The following SLC5A5 variants were observed in gnomAD, a reference collection of about 807,000 sequenced individuals.
SLC5A5 encodes the protein solute carrier family 5 member 5.
A neutral mutation model predicts 68.6 loss-of-function variants in SLC5A5; 56 were observed. That is an observed-to-expected ratio of 0.82 (90% confidence interval 0.66 to 1.02). SLC5A5 has a LOEUF of 1.02. SLC5A5 is among the 50% of genes least tolerant of loss of function. The pLI is 0.00. For synonymous variants in SLC5A5, 398 were observed against 373.0 expected, an observed-to-expected ratio of 1.07 and a Z score of -0.77; for missense variants, 807 against 859.8, an observed-to-expected ratio of 0.94 and a Z score of 0.77.
At position 17,884,010 on chromosome 19, in the gene SLC5A5, C is replaced by T; in HGVS notation, c.1490C>T (p.Ala497Val). 3.8e-6 allele frequency: 6 copies of T among 1,573,040 alleles called. No individual in the cohort carries two copies. Among genetic ancestry groups the T allele is most frequent in the Non-Finnish European group, 5.2e-6 (6 of 1,161,262 alleles). Residue 497 changes from alanine (A) to valine (V), a missense_variant, in exon 12 of 15, where the codon GCT becomes GTT. Coordinates refer to ENST00000222248, the MANE Select transcript of SLC5A5 (RefSeq NM_000453.3). The stretch of plus-strand genomic sequence containing the variant: ...AACGCCTCTGGCCTCCTGGACCCGG[C>T]TCTCCTCCCTGCTAACGACTCCAGC... ...SVNASGLLDP[A>V]LLPANDSSRA...
At position 17,894,143 on chromosome 19, in the gene SLC5A5, C is replaced by CTTT. The variant is rs772763011; in HGVS notation, c.*286_*288dup. 8.9e-3 allele frequency: 2,345 copies of CTTT among 262,788 alleles called. 132 individuals carry two copies. The highest frequency in any genetic ancestry group is 0.065 in the African/African-American group (2,138 of 32,972). The allele number at this position is 262,788 out of a possible 1,614,324, so 16.3% of individuals were successfully genotyped here. On this transcript the variant is annotated 3_prime_UTR_variant, in exon 15 of 15. Transcript: ENST00000222248. ...AATAAGGCTGGGTTTTTCTCTCTCT[C>CTTT]TTTTTTTTTTTTTTTTTTTTTTGAG... is the stretch of plus-strand genomic sequence containing the variant.
chr19:17,877,431 T>G (rs964349179), intron 5 of SLC5A5, among the ~76,000 whole-genome samples: 1 of 151,812 alleles, frequency 6.6e-6, no homozygotes, highest in Non-Finnish European at 1.5e-5. Context: ...TGCCTCAGCC[T>G]CCCAAGTAGC....
chr19:17,874,430 C>T, intron 2 of SLC5A5, 64 bp from the exon 3 acceptor site: 1 of 1,507,486 alleles, frequency 6.6e-7, no homozygotes, highest in Admixed American at 1.7e-5. Flanking sequence ...CTTCTGCCTC[C>T]TCTCCCCATC....
intron 5 of SLC5A5, among the ~76,000 whole-genome samples, chr19:17,876,971 C>T (rs534277127): frequency 5.3e-5 from 8 of 151,422 alleles, no homozygotes; most frequent in Non-Finnish European, 1.2e-4. Context: ...GCGGAGGCTG[C>T]GGTGAGCCGA....
At chr19:17,887,651 G>A (rs2029972568) in intron 12 of SLC5A5, among the ~76,000 whole-genome samples, 1 of 147,740 alleles carries the variant, frequency 6.8e-6, no homozygotes, top group African/African-American at 2.5e-5. Flanking sequence ...AGGCTGGAGT[G>A]CAATGGTGTG....
chr19:17,878,218 AGAG>A, intron 7 of SLC5A5, 125 bp downstream of exon 7: 1 of 1,176,902 alleles, frequency 8.5e-7, no homozygotes, highest in Admixed American at 1.9e-5. Context: ...GAAAGAGCTG[AGAG>A]GAGGCCAGGT....
intron 4 of SLC5A5, 143 bp downstream of exon 4, chr19:17,874,874 G>A (rs2094303175): frequency 2.5e-6 from 2 of 794,660 alleles, no homozygotes; most frequent in Non-Finnish European, 4.3e-6. Context: ...AGTGAAAAAT[G>A]ATCTGAAAAG....
intron 12 of SLC5A5, 75 bp downstream of exon 12, chr19:17,884,121 C>A: frequency 7.7e-7 from 1 of 1,290,862 alleles, no homozygotes; most frequent in Non-Finnish European, 1.1e-6. Context: ...ACTTGCCCTG[C>A]ACTCTGTGTA....
chr19:17,888,369 G>T lies in SLC5A5; in HGVS notation c.1565G>T (p.Ser522Ile). The T allele has an allele frequency of 6.2e-7, 1 of 1,613,986 alleles. No homozygotes were observed. The highest frequency in any genetic ancestry group is 1.3e-5 in the African/African-American group (1 of 75,028). The part of the protein sequence containing the change: ...MDASRPALAD[S>I]FYAISYLYYG... ...GCCAGCCGACCCGCCTTAGCTGACA[G>T]CTTCTATGCCATCTCCTATCTCTAT... is the stretch of plus-strand genomic sequence containing the variant. Residue 522 changes from serine (S) to isoleucine (I), a missense_variant, in exon 13 of 15, where the codon AGC becomes ATC. Physicochemically the swap from Ser to Ile is moderately radical, Grantham distance 142. Transcript: ENST00000222248.
rs1025896198 is a variant in SLC5A5, at chr19:17,894,894, G to A, written c.*1017G>A. On this transcript the variant is annotated 3_prime_UTR_variant, in exon 15 of 15. Coordinates refer to ENST00000222248, the MANE Select transcript of SLC5A5 (RefSeq NM_000453.3). ...AATTAAAAGAGGTATTACTGGAGGA[G>A]GATGGATGAATCCAGTGACTGGTTC... 6.6e-6 allele frequency: 1 copy of A among 152,204 alleles called. No individual in the cohort carries two copies. The highest frequency in any genetic ancestry group is 6.6e-5 in the Admixed American group (1 of 15,256). The allele number at this position is 152,204 out of a possible 1,614,324, so 9.4% of individuals were successfully genotyped here. A position where few individuals can be genotyped will look rare whatever the true frequency, so the allele number is the denominator to read the frequency against.
chr19:17,879,036 T>A (rs2094314633), intron 7 of SLC5A5, among the ~76,000 whole-genome samples: 2 of 143,284 alleles, frequency 1.4e-5, no homozygotes, highest in South Asian at 4.4e-4. Flanking sequence ...CTTACGCCTA[T>A]AATCTCAGCA....
intron 7 of SLC5A5, among the ~76,000 whole-genome samples, chr19:17,879,225 G>A (rs557302367): frequency 7.9e-5 from 12 of 152,116 alleles, no homozygotes; most frequent in African/African-American, 2.4e-4. Flanking sequence ...CCTGGGAGGC[G>A]GAGGTTGCGG....
chr19:17,887,622 G>A lies in SLC5A5; in HGVS notation c.1527-709G>A, dbSNP rs1174271026. ...ATTTTTTTTTTTTTTTTTTGAGATG[G>A]AGTCTCGCTCTGTTGCCCAGGCTGG... is the stretch of plus-strand genomic sequence containing the variant. On this transcript the variant is annotated intron_variant, in intron 12 of 14. Transcript: ENST00000222248. Among the ~76,000 whole-genome samples, 9 of 139,612 alleles carry A rather than the reference G, an allele frequency of 6.4e-5. No homozygotes were observed. In the Admixed American group the frequency reaches 6.6e-4, roughly 10 times the overall value. The allele number at this position is 139,612 out of a possible 152,430, so 91.6% of individuals were successfully genotyped here.
chr19:17,877,405 G>T (rs112671660), intron 5 of SLC5A5, among the ~76,000 whole-genome samples: 4 of 151,806 alleles, frequency 2.6e-5, no homozygotes, highest in African/African-American at 7.3e-5. Flanking sequence ...CGCCTCCTGG[G>T]TTGAAGTGAT....
At chr19:17,878,485 ACAGAGTGAGACTCTGT>A (rs750488810) in intron 7 of SLC5A5, among the ~76,000 whole-genome samples, 64 of 151,840 alleles carry the variant, frequency 4.2e-4, no homozygotes, top group Non-Finnish European at 7.1e-4. Flanking sequence ...ACCTTGGATG[ACAGAGTGAGACTCTGT>A]CTCAAAAAAA....
chr19:17,888,785 G>A (rs903878504), intron 13 of SLC5A5, among the ~76,000 whole-genome samples: 35 of 151,440 alleles, frequency 2.3e-4, no homozygotes, highest in African/African-American at 7.3e-4. Context: ...AGTGTGTGCC[G>A]CCATGCTTGG....
At position 17,883,778 on chromosome 19, in the gene SLC5A5, G is replaced by A. The variant is rs2094326635; in HGVS notation, c.1329+11G>A. 3.7e-6 allele frequency: 6 copies of A among 1,611,350 alleles called. No individual in the cohort carries two copies. The highest frequency in any genetic ancestry group is 5.1e-6 in the Non-Finnish European group (6 of 1,178,882). On this transcript the variant is annotated intron_variant, in intron 11 of 14. Transcript: ENST00000222248. ...GCCTGCAACACACCGGTGAGTGGGGGCGGGGCAAGGGGCGGGGAGGGGCGG... is the reference window on the plus strand; with the variant it reads ...GCCTGCAACACACCGGTGAGTGGGGACGGGGCAAGGGGCGGGGAGGGGCGG...
In SLC5A5 at chr19:17,876,033, G is replaced by T; in HGVS notation, c.625G>T (p.Gly209Cys). 2 of 1,614,160 alleles carry T rather than the reference G, an allele frequency of 1.2e-6. No homozygotes were observed. The highest frequency in any genetic ancestry group is 8.5e-7 in the Non-Finnish European group (1 of 1,180,022). ...LSGFWVVLARGVMLVGGPRQV... is the reference protein window; with the variant it reads ...LSGFWVVLARCVMLVGGPRQV... ...TGGCTTCTGGGTTGTCCTGGCACGC[G>T]GTGTCATGCTTGTGGGCGGGCCCCG... The change falls in exon 5 of 15, where the codon GGT (glycine) becomes TGT (cysteine). Residue 209 changes from glycine (G) to cysteine (C), a missense_variant. Coordinates refer to ENST00000222248, the MANE Select transcript of SLC5A5 (RefSeq NM_000453.3).
At chr19:17,888,902 T>G (rs2147752150) in intron 13 of SLC5A5, among the ~76,000 whole-genome samples, 1 of 151,116 alleles carries the variant, frequency 6.6e-6, no homozygotes, top group Non-Finnish European at 1.5e-5. Context: ...ATTATAGGTG[T>G]GAGCCACTGC....
Sources: gnomAD v4.1 joint callset for allele counts (sites outside exome capture counted in the v4.1 genomes callset) on GRCh38, gnomAD v4.1.1 for gene constraint, MANE v1.5 for transcripts, NCBI Gene and HGNC (gene_info 2026-07-23, HGNC 2026-07-21) for gene names.